IGSF10: variants seen among roughly 807,000 people sequenced by gnomAD.
IGSF10 encodes immunoglobulin superfamily member 10.
A neutral mutation model predicts 128.2 loss-of-function variants in IGSF10; 126 were observed. The ratio of observed to expected loss-of-function variants is 0.98; its 90% CI spans 0.85 to 1.14. The LOEUF (loss-of-function observed/expected upper bound fraction) is 1.14. IGSF10 is among the 50% of genes most tolerant of loss of function. The pLI is 0.00. For synonymous variants in IGSF10, 1,185 were observed against 1,146.2 expected (o/e 1.03, Z -0.68); for missense variants, 3,295 against 3,149.8 (o/e 1.05, Z -1.10).
chr3:151,435,233 A>G (rs1010723406), downstream of IGSF10: 1 of 99,942 alleles, frequency 1.0e-5, no homozygotes, highest in Non-Finnish European at 2.0e-5. Context: ...CTTGAAATCA[A>G]ATGGAGTCAG....
the IGSF10 span, among the ~76,000 whole-genome samples, chr3:151,507,828 AATT>A: frequency 1.3e-5 from 2 of 152,168 alleles, no homozygotes; most frequent in African/African-American, 4.8e-5. Flanking sequence ...ATTAAATATT[AATT>A]ATTAAATGTG....
At chr3:151,558,005 AAT>A in the IGSF10 span, among the ~76,000 whole-genome samples, 30 of 39,510 alleles carry the variant, frequency 7.6e-4, no homozygotes, top group African/African-American at 1.5e-3. Context: ...AAGTATATAT[AAT>A]ATATATATAT....
chr3:151,594,170 TG>T, the IGSF10 span, among the ~76,000 whole-genome samples: 25 of 152,150 alleles, frequency 1.6e-4, no homozygotes, highest in African/African-American at 6.0e-4. Flanking sequence ...TTGGAAGCCT[TG>T]TCCTGGAACT....
chr3:151,538,657 A>G, the IGSF10 span, among the ~76,000 whole-genome samples: 7,782 of 152,282 alleles, frequency 0.051, 227 homozygotes, highest in African/African-American at 0.07. Flanking sequence ...CCCGAGCAGA[A>G]TTTCCATAAA....
At position 151,452,373 on chromosome 3, in the gene IGSF10, T is replaced by A. The variant is rs9289838; in HGVS notation, c.715+1011A>T. Reference sequence around the variant, plus strand: ...GCTCCTAGGCTACAGACCCATACAGTGTATTACTCTACTGAATACTGTAAG... The same window carrying A: ...GCTCCTAGGCTACAGACCCATACAGAGTATTACTCTACTGAATACTGTAAG... On this transcript the variant is annotated intron_variant, in intron 5 of 7. Coordinates refer to ENST00000282466, the MANE Select transcript of IGSF10 (RefSeq NM_178822.5). 2.0e-5 allele frequency among the ~76,000 whole-genome samples: 3 copies of A among 152,186 alleles called. No homozygotes were observed. The East Asian group carries it at 5.8e-4, about 30-fold the overall frequency.
chr3:151,596,166 C>A, the IGSF10 span, among the ~76,000 whole-genome samples: 1 of 152,012 alleles, frequency 6.6e-6, no homozygotes, highest in South Asian at 2.1e-4. Context: ...CCATGGGTGA[C>A]AATTAGATTG....
the IGSF10 span, among the ~76,000 whole-genome samples, chr3:151,565,544 T>C: frequency 1.3e-5 from 2 of 152,090 alleles, no homozygotes; most frequent in Non-Finnish European, 2.9e-5. Context: ...GGTAAATAGT[T>C]CAAATTATGA....
At chr3:151,552,952 C>T in the IGSF10 span, among the ~76,000 whole-genome samples, 1 of 152,152 alleles carries the variant, frequency 6.6e-6, no homozygotes, top group Non-Finnish European at 1.5e-5. Flanking sequence ...TTTTACGGCT[C>T]ATCCATGTCT....
the IGSF10 span, among the ~76,000 whole-genome samples, chr3:151,576,272 T>G: frequency 6.6e-6 from 1 of 152,100 alleles, no homozygotes; most frequent in Non-Finnish European, 1.5e-5. Context: ...AAATATCCGT[T>G]TTTTGGTCTT....
At chr3:151,608,609 A>G in the IGSF10 span, among the ~76,000 whole-genome samples, 1 of 151,972 alleles carries the variant, frequency 6.6e-6, no homozygotes. Flanking sequence ...GATTCTCCAT[A>G]TTGTTTCTCG....
chr3:151,578,144 T>C, the IGSF10 span, among the ~76,000 whole-genome samples: 2 of 152,240 alleles, frequency 1.3e-5, no homozygotes, highest in African/African-American at 4.8e-5. Context: ...TTAGGAATTG[T>C]ATTTCATATC....
rs760700100 is a variant in IGSF10 at position 151,448,127 on chromosome 3, T to C, written c.1854A>G (p.Ser618=). The change falls in exon 6 of 8, where the codon TCA becomes TCG. Residue 618 remains serine, a synonymous_variant. Coordinates refer to ENST00000282466, the MANE Select transcript of IGSF10 (RefSeq NM_178822.5). ...VIPGNNVLYQ[S]SRDKKVLNNG... ...TGTTTAGAACTTTCTTGTCTCTTGA[T>C]GACTGATAGAGCACATTGTTTCCTG... 14 of 1,614,068 alleles carry C rather than the reference T, an allele frequency of 8.7e-6. No homozygotes were observed. In the East Asian group the frequency reaches 2.2e-4, roughly 26 times the overall value.
chr3:151,510,564 C>T, the IGSF10 span, among the ~76,000 whole-genome samples: 3 of 152,172 alleles, frequency 2.0e-5, no homozygotes, highest in Admixed American at 2.0e-4. Context: ...TGCTTCTCCT[C>T]CTCCAAAGGA....
the IGSF10 span, among the ~76,000 whole-genome samples, chr3:151,614,508 C>T: frequency 6.6e-6 from 1 of 152,168 alleles, no homozygotes; most frequent in African/African-American, 2.4e-5. Context: ...ATGATGAGTT[C>T]ATGTCCTTTG....
the IGSF10 span, among the ~76,000 whole-genome samples, chr3:151,567,128 T>A: frequency 6.6e-6 from 1 of 152,208 alleles, no homozygotes; most frequent in African/African-American, 2.4e-5. Context: ...TTTGATCCTG[T>A]CTGTGGACAG....
Position 151,436,617 on chromosome 3 carries a change from A to C in IGSF10, c.*72T>G. On this transcript the variant is annotated 3_prime_UTR_variant, in exon 8 of 8. Transcript: ENST00000282466. ...TGTATTCAAATTCATTTACATGCCT[A>C]TGGCTGCCTTTGATTAAACTTCTTC... The C allele has an allele frequency of 9.6e-7, 1 of 1,037,118 alleles. No homozygotes were observed. Among genetic ancestry groups the C allele is most frequent in the African/African-American group, 1.6e-5 (1 of 62,482 alleles). The allele number at this position is 1,037,118 out of a possible 1,614,324, so 64.2% of individuals were successfully genotyped here.
At chr3:151,569,007 G>A in the IGSF10 span, among the ~76,000 whole-genome samples, 1 of 152,156 alleles carries the variant, frequency 6.6e-6, no homozygotes, top group Non-Finnish European at 1.5e-5. Flanking sequence ...TGAGGTAGCC[G>A]AACCTAGCAA....
At position 151,443,875 on chromosome 3, in the gene IGSF10, A is replaced by AT. The variant is rs1201734390; in HGVS notation, c.5071_5072insA (p.Leu1691TyrfsTer3). On this transcript the variant is annotated frameshift_variant, in exon 7 of 8. Transcript: ENST00000282466. LOFTEE classifies it high-confidence loss of function. ...CCTGCTATTCTGTTTCCTCTTAGAT[A>AT]AATCAAGTCCTGAGAAGAAAAAAAG... is the stretch of plus-strand genomic sequence containing the variant. 1 of 1,592,386 alleles carries AT rather than the reference A, an allele frequency of 6.3e-7. No homozygotes were observed. Among genetic ancestry groups the AT allele is most frequent in the African/African-American group, 1.3e-5 (1 of 74,174 alleles).
chr3:151,592,394 A>G, the IGSF10 span, among the ~76,000 whole-genome samples: 1 of 152,138 alleles, frequency 6.6e-6, no homozygotes, highest in Admixed American at 6.5e-5. Flanking sequence ...CCTGACAGAG[A>G]CAAAGGACTT....
Sources: gnomAD v4.1 joint callset for allele counts (sites outside exome capture counted in the v4.1 genomes callset) on GRCh38, gnomAD v4.1.1 for gene constraint, MANE v1.5 for transcripts, NCBI Gene and HGNC (gene_info 2026-07-23, HGNC 2026-07-21) for gene names.